LRP1B: variants seen among roughly 807,000 people sequenced by gnomAD.
The protein encoded by LRP1B is low-density lipoprotein receptor-related protein 1B.
Under a neutral mutation model 556.6 loss-of-function variants are expected in LRP1B, and 217 were observed. The observed-to-expected ratio is 0.39, with a 90% confidence interval of 0.35 to 0.44. The LOEUF is 0.44. Among genes scored for constraint, LRP1B ranks in the 20% least tolerant of loss-of-function variants. LRP1B has a pLI of 1.00. For synonymous variants in LRP1B, 2,047 were observed against 1,865.8 expected (o/e 1.10, Z -2.50); for missense variants, 5,053 against 5,620.8 (o/e 0.90, Z 3.23).
chr2:141,454,627 C>A (rs1334276309), intron 3 of LRP1B, among the ~76,000 whole-genome samples: 1 of 75,286 alleles, frequency 1.3e-5, no homozygotes, highest in Admixed American at 1.1e-4. Context: ...TTACTAATAT[C>A]TTTGCTCACT....
chr2:140,333,029 CA>C (rs1443771758), intron 79 of LRP1B, among the ~76,000 whole-genome samples: 1 of 152,032 alleles, frequency 6.6e-6, no homozygotes, highest in Non-Finnish European at 1.5e-5. Flanking sequence ...TCCAGTTTTG[CA>C]TTTGAGTCAC....
intron 2 of LRP1B, among the ~76,000 whole-genome samples, chr2:141,802,577 G>A (rs1004304): frequency 0.11 from 16,218 of 152,044 alleles, 1,094 homozygotes; most frequent in African/African-American, 0.19. Flanking sequence ...TAGGCAGAGA[G>A]TAGAGGTATT....
At chr2:142,049,305 T>C (rs926637606) in intron 1 of LRP1B, among the ~76,000 whole-genome samples, 4 of 152,130 alleles carry the variant, frequency 2.6e-5, no homozygotes, top group African/African-American at 7.2e-5. Context: ...GCACACATCA[T>C]ATTTGTCTGA....
At chr2:141,124,165 T>C (rs1701138101) in intron 7 of LRP1B, among the ~76,000 whole-genome samples, 1 of 152,128 alleles carries the variant, frequency 6.6e-6, no homozygotes, top group South Asian at 2.1e-4. Context: ...ATAAAAGTGG[T>C]GGCCAAGAGA....
intron 1 of LRP1B, among the ~76,000 whole-genome samples, chr2:142,097,069 C>T (rs994315475): frequency 9.3e-6 from 1 of 108,026 alleles, no homozygotes; most frequent in East Asian, 2.8e-4. Flanking sequence ...AAAAAAAAAC[C>T]CCGGTTTACC....
rs1324981501 is a variant in LRP1B at position 141,404,524 on chromosome 2, G to C, written c.343+75872C>G. 4.6e-5 allele frequency among the ~76,000 whole-genome samples: 7 copies of C among 152,236 alleles called. No homozygotes were observed. The South Asian group carries it at 8.3e-4, about 18-fold the overall frequency. ...CTTTGGAGTGGTGTTTTATGTGCCA[G>C]AGCTGCTTTTTATTATTCTGCAATT... On this transcript the variant is annotated intron_variant, in intron 3 of 90. Transcript: ENST00000389484.
intron 2 of LRP1B, among the ~76,000 whole-genome samples, chr2:141,541,782 T>C (rs952198810): frequency 2.6e-5 from 4 of 152,052 alleles, no homozygotes; most frequent in Non-Finnish European, 4.4e-5. Context: ...AAATAGATAC[T>C]TAGAAATGGT....
intron 1 of LRP1B, among the ~76,000 whole-genome samples, chr2:142,013,394 C>T (rs1056368839): frequency 1.3e-5 from 2 of 152,104 alleles, no homozygotes; most frequent in African/African-American, 4.8e-5. Flanking sequence ...TTGGCACTTT[C>T]TTTACTGCTG....
rs1691006883 is a variant in LRP1B at position 140,813,720 on chromosome 2, T to C, written c.5296A>G (p.Asn1766Asp). ...TTCATTGACTCGATTACTTCTAAAT[T>C]ACCACCATCCAGGTTGCATCTATTT... ...TINRCNLDGG[N>D]LEVIESMKEE... Residue 1766 changes from asparagine (N) to aspartate (D), a missense_variant, in exon 32 of 91, where the codon AAT becomes GAT. By Grantham distance (23) the Asn-to-Asp change is conservative. Coordinates refer to ENST00000389484, the MANE Select transcript of LRP1B (RefSeq NM_018557.3). The C allele has an allele frequency of 6.2e-7, 1 of 1,612,190 alleles. No homozygotes were observed. Among genetic ancestry groups the C allele is most frequent in the Non-Finnish European group, 8.5e-7 (1 of 1,178,374 alleles).
At chr2:140,874,292 A>C (rs1693234525) in intron 25 of LRP1B, among the ~76,000 whole-genome samples, 1 of 152,068 alleles carries the variant, frequency 6.6e-6, no homozygotes, top group Non-Finnish European at 1.5e-5. Context: ...ATTTTTTTTT[A>C]ACACAAAGTT....
At chr2:141,183,129 T>A (rs1436547746) in intron 7 of LRP1B, among the ~76,000 whole-genome samples, 1 of 152,022 alleles carries the variant, frequency 6.6e-6, no homozygotes, top group Non-Finnish European at 1.5e-5. Flanking sequence ...AAACATAGTC[T>A]GAGGCATTTA....
intron 18 of LRP1B, among the ~76,000 whole-genome samples, chr2:140,977,943 G>A (rs1290059028): frequency 3.9e-5 from 6 of 152,122 alleles, no homozygotes; most frequent in South Asian, 2.1e-4. Flanking sequence ...GAGAACCAAC[G>A]TTAGTCTTAT....
intron 2 of LRP1B, among the ~76,000 whole-genome samples, chr2:141,766,688 A>C (rs1866023): frequency 0.96 from 146,614 of 152,238 alleles, 70,859 homozygotes; most frequent in East Asian, 1. Flanking sequence ...TGCTTGGATG[A>C]TTACAAGAGG....
intron 6 of LRP1B, among the ~76,000 whole-genome samples, chr2:141,210,681 C>T (rs1435675013): frequency 6.6e-6 from 1 of 152,026 alleles, no homozygotes; most frequent in African/African-American, 2.4e-5. Context: ...AACAAGCAAA[C>T]ATAAGATTCC....
chr2:141,451,576 T>C (rs559223995), intron 3 of LRP1B, among the ~76,000 whole-genome samples: 128 of 152,280 alleles, frequency 8.4e-4, no homozygotes, highest in African/African-American at 2.9e-3. Flanking sequence ...TATATAATTG[T>C]ACCTGTTGGG....
chr2:141,945,611 T>C (rs1700931011), intron 1 of LRP1B, among the ~76,000 whole-genome samples: 1 of 151,990 alleles, frequency 6.6e-6, no homozygotes, highest in Admixed American at 6.6e-5. Context: ...ATGTAAAATC[T>C]ACTATAAAAT....
At chr2:140,301,780 T>C (rs1442613293) in intron 83 of LRP1B, among the ~76,000 whole-genome samples, 1 of 151,904 alleles carries the variant, frequency 6.6e-6, no homozygotes, top group South Asian at 2.1e-4. Context: ...TTCTGTAGTT[T>C]ATAAATATTC....
At chr2:141,693,844 C>A (rs922859128) in intron 2 of LRP1B, among the ~76,000 whole-genome samples, 2 of 152,138 alleles carry the variant, frequency 1.3e-5, no homozygotes, top group East Asian at 3.9e-4. Flanking sequence ...AATACCTATC[C>A]AAACTCTGTA....
At chr2:141,543,512 C>T (rs1230352602) in intron 2 of LRP1B, among the ~76,000 whole-genome samples, 1 of 74,336 alleles carries the variant, frequency 1.3e-5, no homozygotes, top group African/African-American at 5.1e-5. Context: ...GAAAGCGACC[C>T]TGTCTCAAAA....
Sources: allele counts gnomAD v4.1 joint callset (sites outside exome capture counted in the v4.1 genomes callset), GRCh38; gene constraint gnomAD v4.1.1; transcripts MANE v1.5; gene names NCBI Gene and HGNC (gene_info 2026-07-23, HGNC 2026-07-21).